The following TMX3 variants were observed in gnomAD, a reference collection of about 807,000 sequenced individuals.
TMX3 encodes the protein protein disulfide-isomerase TMX3.
A neutral mutation model predicts 64.4 loss-of-function variants in TMX3; 40 were observed. The observed-to-expected ratio is 0.62, with a 90% CI of 0.48 to 0.81. The LOEUF (loss-of-function observed/expected upper bound fraction) is 0.81. Ranked by LOEUF, TMX3 falls within the 30% of genes least tolerant of loss-of-function variation. TMX3 has a pLI of 0.00. For missense variants in TMX3, 497 were observed against 534.5 expected (o/e 0.93, Z 0.69); for synonymous variants, 189 against 175.7 (o/e 1.08, Z -0.60).
chr18:68,682,662 G>A (rs1913546512), intron 13 of TMX3, among the ~76,000 whole-genome samples: 1 of 151,244 alleles, frequency 6.6e-6, no homozygotes, highest in African/African-American at 2.4e-5. Context: ...ACACGTTTTG[G>A]AATAATGGCT....
intron 8 of TMX3, among the ~76,000 whole-genome samples, chr18:68,692,494 C>G (rs1914622139): frequency 1.3e-5 from 2 of 152,118 alleles, no homozygotes; most frequent in Admixed American, 1.3e-4. Flanking sequence ...CCTTGTACCC[C>G]CTTACTGCAT....
intron 2 of TMX3, among the ~76,000 whole-genome samples, chr18:68,711,852 C>G (rs529545457): frequency 2.0e-5 from 3 of 152,092 alleles, no homozygotes; most frequent in African/African-American, 7.2e-5. Context: ...TCATAAAATG[C>G]GCGTGAGAAA....
rs1912896561 is a variant in TMX3 at position 68,675,991 on chromosome 18, G to A, written c.*942C>T. 4 of 152,050 alleles carry A rather than the reference G, an allele frequency of 2.6e-5. No individual in the cohort carries two copies. Among genetic ancestry groups the A allele is most frequent in the Non-Finnish European group, 5.9e-5 (4 of 68,004 alleles). The allele number at this position is 152,050 out of a possible 1,614,324, so 9.4% of individuals were successfully genotyped here. A position where few individuals can be genotyped will look rare whatever the true frequency, so the allele number is the denominator to read the frequency against. On this transcript the variant is annotated 3_prime_UTR_variant, in exon 16 of 16. Transcript: ENST00000299608. ...GTGTCAATAAACTGTGTGTGTCTGT[G>A]GGTGCATACGTACGTATTCTAGAGT... is the stretch of plus-strand genomic sequence containing the variant.
At position 68,676,083 on chromosome 18, in the gene TMX3, A is replaced by G. The variant is rs1174387693; in HGVS notation, c.*850T>C. 1 of 152,172 alleles carries G rather than the reference A, an allele frequency of 6.6e-6. No individual in the cohort carries two copies. The highest frequency in any genetic ancestry group is 1.5e-5 in the Non-Finnish European group (1 of 68,024). 9.4% of individuals were successfully genotyped at this position (152,172 alleles called of 1,614,324 possible). ...TGATACATACCACTTTTCAAAAAGC[A>G]GAAGATTTTTATCAAAGGAAATGTT... On this transcript the variant is annotated 3_prime_UTR_variant, in exon 16 of 16. Transcript: ENST00000299608.
chr18:68,708,047 A>ATATATATGTGTATATATATGTG (rs1555690905), intron 4 of TMX3, among the ~76,000 whole-genome samples: 3 of 125,640 alleles, frequency 2.4e-5, no homozygotes, highest in African/African-American at 1.5e-4. Flanking sequence ...ATATATGTGT[A>ATATATATGTGTATATATATGTG]TATATATGTG....
chr18:68,700,510 ACCTG>A, intron 5 of TMX3, 25 bp from the exon 6 acceptor site: 1 of 1,425,848 alleles, frequency 7.0e-7, no homozygotes, highest in Non-Finnish European at 9.5e-7. Context: ...AAAAATTAAA[ACCTG>A]GATTGTTCTA....
intron 1 of TMX3, among the ~76,000 whole-genome samples, 197 bp from the exon 2 acceptor site, chr18:68,714,097 T>G (rs760299976): frequency 6.6e-6 from 1 of 152,168 alleles, no homozygotes; most frequent in Non-Finnish European, 1.5e-5. Flanking sequence ...TATGCAACCA[T>G]ATCGTGACCG....
intron 7 of TMX3, chr18:68,697,719 C>G (rs1042345135): frequency 1.7e-5 from 8 of 466,886 alleles, no homozygotes; most frequent in African/African-American, 2.0e-5. Flanking sequence ...AGGCAGGCAA[C>G]ATTTACTCAC....
chr18:68,704,445 T>A (rs177920), intron 4 of TMX3, among the ~76,000 whole-genome samples: 39,938 of 148,710 alleles, frequency 0.27, 8,984 homozygotes, highest in African/African-American at 0.62. Flanking sequence ...AGAAACTAAA[T>A]CAGGAAGATT....
intron 12 of TMX3, among the ~76,000 whole-genome samples, chr18:68,683,910 G>A (rs187985563): frequency 1.0e-3 from 157 of 152,160 alleles, no homozygotes; most frequent in Non-Finnish European, 2.0e-3. Flanking sequence ...AATTACTGTT[G>A]TTGATCTCTT....
At chr18:68,702,743 G>C (rs1167497160) in intron 4 of TMX3, among the ~76,000 whole-genome samples, 1 of 152,148 alleles carries the variant, frequency 6.6e-6, no homozygotes, top group African/African-American at 2.4e-5. Flanking sequence ...TACTACATCT[G>C]AATTCCAATT....
chr18:68,709,809 T>G (rs1257500482), intron 4 of TMX3, among the ~76,000 whole-genome samples: 1 of 141,612 alleles, frequency 7.1e-6, no homozygotes, highest in East Asian at 1.9e-4. Context: ...GAAAGGATGG[T>G]TTAAACATCT....
At chr18:68,687,407 T>G in intron 10 of TMX3, 1 of 985,380 alleles carries the variant, frequency 1.0e-6, no homozygotes, top group Non-Finnish European at 1.2e-6. Flanking sequence ...TTTTTCTCAC[T>G]CTCTTATTAC....
In TMX3 at chr18:68,691,352, G is replaced by A. The variant is rs575698803; in HGVS notation, c.580C>T (p.Leu194=). 1 of 1,554,002 alleles carries A rather than the reference G, an allele frequency of 6.4e-7. No homozygotes were observed. The highest frequency in any genetic ancestry group is 2.3e-5 in the East Asian group (1 of 43,990). The part of the protein sequence containing the change: ...SEEVVPEYVT[L]KEMPAVLVFK... ...ACAAGCACAGCTGGCATCTCTTTTA[G>A]TGTCACATACTGCAAAAAATCAGAA... is the stretch of plus-strand genomic sequence containing the variant. Residue 194 remains leucine (L), a synonymous_variant, in exon 9 of 16, where the codon CTA becomes TTA. Coordinates refer to ENST00000299608, the MANE Select transcript of TMX3 (RefSeq NM_019022.5).
Position 68,708,057 on chromosome 18 carries a change from GTA to G in TMX3, c.265+1962_265+1963del, listed in dbSNP as rs201803798. 7.4e-3 allele frequency among the ~76,000 whole-genome samples: 1,112 copies of G among 149,964 alleles called. 18 individuals are homozygous for G. The highest frequency in any genetic ancestry group is 0.026 in the African/African-American group (1,048 of 40,296). On this transcript the variant is annotated intron_variant, in intron 4 of 15. Transcript: ENST00000299608. ...TGTGTATATATGTGTATATATATGT[GTA>G]TATATATGTGTATATGTGTATATAT...
At position 68,675,388 on chromosome 18, in the gene TMX3, T is replaced by C. The variant is rs565534057; in HGVS notation, c.*1545A>G. The C allele has an allele frequency of 2.6e-5, 4 of 152,260 alleles. No homozygotes were observed. Among genetic ancestry groups the C allele is most frequent in the African/African-American group, 9.6e-5 (4 of 41,572 alleles). The allele number at this position is 152,260 out of a possible 1,614,324, so 9.4% of individuals were successfully genotyped here. A position where few individuals can be genotyped will look rare whatever the true frequency, so the allele number is the denominator to read the frequency against. On this transcript the variant is annotated 3_prime_UTR_variant, in exon 16 of 16. Coordinates refer to ENST00000299608, the MANE Select transcript of TMX3 (RefSeq NM_019022.5). ...TCAAACACTAAGAATAGGTATTTAA[T>C]TATTAAATACTAAAAGAGTACATGG...
chr18:68,691,277 TAA>T lies in TMX3; in HGVS notation c.637+16_637+17del, dbSNP rs143627864. 0.084 allele frequency: 129,375 copies of T among 1,542,954 alleles called. 5,994 individuals are homozygous for T. Among genetic ancestry groups the T allele is most frequent in the East Asian group, 0.11 (4,658 of 44,206 alleles). ...TAATTTTAAAATGTTTTACATGAGT[TAA>T]AGATTTGGAACTTACCATCATAAAC... On this transcript the variant is annotated intron_variant, in intron 9 of 15. Transcript: ENST00000299608.
intron 10 of TMX3, among the ~76,000 whole-genome samples, chr18:68,685,000 G>A (rs1019442503): frequency 1.3e-5 from 2 of 152,136 alleles, no homozygotes; most frequent in African/African-American, 4.8e-5. Flanking sequence ...GAATTAAACT[G>A]ACTCACATTT....
chr18:68,697,900 A>T (rs375927714), intron 7 of TMX3, 32 bp downstream of exon 7: 1 of 1,365,518 alleles, frequency 7.3e-7, no homozygotes, highest in Non-Finnish European at 1.0e-6. Context: ...ATTACAATAC[A>T]TCTGTTTTTG....
Sources: allele counts gnomAD v4.1 joint callset (sites outside exome capture counted in the v4.1 genomes callset), GRCh38; gene constraint gnomAD v4.1.1; transcripts MANE v1.5; gene names NCBI Gene and HGNC (gene_info 2026-07-23, HGNC 2026-07-21).